PITPNM2: variants seen among roughly 807,000 people sequenced by gnomAD.
The protein encoded by PITPNM2 is phosphatidylinositol transfer protein membrane associated 2, also known as membrane-associated phosphatidylinositol transfer protein 2.
In PITPNM2, 35 loss-of-function variants were observed where a neutral mutation model predicts 132.2. That is an observed-to-expected ratio of 0.26 (90% CI 0.20 to 0.35). The LOEUF (loss-of-function observed/expected upper bound fraction) is 0.35. Ranked by LOEUF, PITPNM2 falls within the 10% of genes least tolerant of loss-of-function variation. The pLI is 1.00. For synonymous variants in PITPNM2, 738 were observed against 799.2 expected, an observed-to-expected ratio of 0.92 and a Z score of 1.29; for missense variants, 1,332 against 1,912.0, an observed-to-expected ratio of 0.70 and a Z score of 5.66.
At position 123,077,338 on chromosome 12, in the gene PITPNM2, T is replaced by C. The variant is rs1566281018; in HGVS notation, c.-96+33047A>G. 6.6e-6 allele frequency among the ~76,000 whole-genome samples: 1 copy of C among 152,100 alleles called. No individual in the cohort carries two copies. Among genetic ancestry groups the C allele is most frequent in the African/African-American group, 2.4e-5 (1 of 41,408 alleles). ...GGGACAAAACATTTCCTCACTGAAC[T>C]CTCATTTTCAGATAATGAAGGATTG... On this transcript the variant is annotated intron_variant, in intron 2 of 25. Transcript: ENST00000320201. The surrounding 1 kb of genome is among the most constrained non-coding windows in gnomAD (Gnocchi z 4.8).
Position 123,004,329 on chromosome 12 carries a change from C to T in PITPNM2, c.1048+65G>A. On this transcript the variant is annotated intron_variant, in intron 8 of 25. Coordinates refer to ENST00000320201, the MANE Select transcript of PITPNM2 (RefSeq NM_020845.3). This position sits in a 1 kb window ranked among gnomAD's most constrained non-coding sequence, Gnocchi z 4.9. ...ATCAGTCCACACCCACACCCTAAGC[C>T]CTTTCAGACCCCTCCCCACCTCGCC... The T allele has an allele frequency of 6.7e-7, 1 of 1,489,704 alleles. No individual in the cohort carries two copies. 92.3% of individuals were successfully genotyped at this position (1,489,704 alleles called of 1,614,324 possible).
rs778787739 is a variant in PITPNM2 at position 123,099,996 on chromosome 12, C to G, written c.-96+10389G>C. Among the ~76,000 whole-genome samples, 17 of 152,148 alleles carry G rather than the reference C, an allele frequency of 1.1e-4. No homozygotes were observed. Among genetic ancestry groups the G allele is most frequent in the Non-Finnish European group, 2.2e-4 (15 of 68,036 alleles). On this transcript the variant is annotated intron_variant, in intron 2 of 25. Transcript: ENST00000320201. This position sits in a 1 kb window ranked among gnomAD's most constrained non-coding sequence, Gnocchi z 4.2. Reference sequence around the variant, plus strand: ...GGGGAAGTAAGAATTGCAGGTGACACGCGCACAGCCTACTCCGCAGACACC... The same window carrying G: ...GGGGAAGTAAGAATTGCAGGTGACAGGCGCACAGCCTACTCCGCAGACACC...
At chr12:123,094,411 C>T (rs1284777386) in intron 2 of PITPNM2, among the ~76,000 whole-genome samples, 2 of 152,340 alleles carry the variant, frequency 1.3e-5, no homozygotes, top group Admixed American at 6.5e-5. Context: ...CAGGCTGAAG[C>T]GGAGCCCAGC....
At chr12:123,012,762 G>A (rs778694990) in intron 4 of PITPNM2, 28 bp from the exon 5 acceptor site, 3 of 1,612,092 alleles carry the variant, frequency 1.9e-6, no homozygotes, top group East Asian at 2.2e-5. Flanking sequence ...CACTCATCAG[G>A]ACCTGTCCTT....
chr12:123,118,510 A>C (rs561467360), intron 1 of PITPNM2, among the ~76,000 whole-genome samples: 3 of 152,382 alleles, frequency 2.0e-5, no homozygotes, highest in African/African-American at 7.2e-5. Context: ...TGGTAGGCAA[A>C]GCAAAGAGGG....
At chr12:123,068,194 A>ACGGCTGGGCG (rs141138502) in intron 2 of PITPNM2, among the ~76,000 whole-genome samples, 14 of 151,750 alleles carry the variant, frequency 9.2e-5, no homozygotes, top group South Asian at 8.3e-4. Context: ...ACGGCCGGGC[A>ACGGCTGGGCG]CGGTGGCTCA....
chr12:123,028,038 G>A (rs973641874), intron 3 of PITPNM2, among the ~76,000 whole-genome samples: 3 of 152,204 alleles, frequency 2.0e-5, no homozygotes, highest in Admixed American at 6.5e-5. Context: ...GCGGCAGTTG[G>A]ACAGCAGAGA....
Position 123,023,644 on chromosome 12 carries a change from C to T in PITPNM2, c.79-9602G>A, listed in dbSNP as rs961701912. Among the ~76,000 whole-genome samples the T allele has an allele frequency of 1.3e-5, 2 of 152,156 alleles. No individual in the cohort carries two copies. Among genetic ancestry groups the T allele is most frequent in the East Asian group, 1.9e-4 (1 of 5,184 alleles). On this transcript the variant is annotated intron_variant, in intron 3 of 25. Coordinates refer to ENST00000320201, the MANE Select transcript of PITPNM2 (RefSeq NM_020845.3). The surrounding 1 kb of genome is among the most constrained non-coding windows in gnomAD (Gnocchi z 4.8). ...TGCTGCCAACAGCTCATTAAAAACA[C>T]GTTCTCCTAAATGTAAGGGCTCAAA...
At chr12:123,053,064 T>G (rs1340116616) in intron 2 of PITPNM2, among the ~76,000 whole-genome samples, 2 of 152,028 alleles carry the variant, frequency 1.3e-5, no homozygotes, top group Admixed American at 6.6e-5. Context: ...TTTTTATTTT[T>G]TGTAGAGACA....
At position 123,023,139 on chromosome 12, in the gene PITPNM2, G is replaced by A. The variant is rs1402553430; in HGVS notation, c.79-9097C>T. Among the ~76,000 whole-genome samples the A allele has an allele frequency of 1.3e-5, 2 of 152,378 alleles. No homozygotes were observed. The highest frequency in any genetic ancestry group is 2.9e-5 in the Non-Finnish European group (2 of 68,030). ...GCCAGCTCACTGGAGGGAGGGGACAGCTAGGAGTGGCCCTTGCTGCCAAAG... is the reference window on the plus strand; with the variant it reads ...GCCAGCTCACTGGAGGGAGGGGACAACTAGGAGTGGCCCTTGCTGCCAAAG... On this transcript the variant is annotated intron_variant, in intron 3 of 25. Transcript: ENST00000320201. The surrounding 1 kb of genome is among the most constrained non-coding windows in gnomAD (Gnocchi z 4.8).
In PITPNM2 at chr12:123,099,999, G is replaced by A. The variant is rs771991392; in HGVS notation, c.-96+10386C>T. ...GAAGTAAGAATTGCAGGTGACACGC[G>A]CACAGCCTACTCCGCAGACACCTAC... is the stretch of plus-strand genomic sequence containing the variant. On this transcript the variant is annotated intron_variant, in intron 2 of 25. Coordinates refer to ENST00000320201, the MANE Select transcript of PITPNM2 (RefSeq NM_020845.3). The surrounding 1 kb of genome is among the most constrained non-coding windows in gnomAD (Gnocchi z 4.2). 2.6e-5 allele frequency among the ~76,000 whole-genome samples: 4 copies of A among 152,132 alleles called. No homozygotes were observed. Among genetic ancestry groups the A allele is most frequent in the South Asian group, 2.1e-4 (1 of 4,834 alleles).
intron 1 of PITPNM2, among the ~76,000 whole-genome samples, chr12:123,136,846 G>A (rs577175023): frequency 3.5e-4 from 54 of 152,302 alleles, no homozygotes; most frequent in African/African-American, 1.3e-3. Context: ...GCAGTGAGCC[G>A]AGATTGTGCC....
rs562527659 is a variant in PITPNM2 at position 122,986,342 on chromosome 12, C to T, written c.3735G>A (p.Thr1245=). ...GCGCCAGGTGGGCCGCGTAGCCATC[C>T]GTGATGAACTGCGGGGTCAGTGAGG... ...KKLQQQCQFI[T]DGYAAHLAQL... The change falls in exon 26 of 26, where the codon ACG becomes ACA. Residue 1245 remains threonine (T), a synonymous_variant. Coordinates refer to ENST00000320201, the MANE Select transcript of PITPNM2 (RefSeq NM_020845.3). The T allele has an allele frequency of 3.2e-5, 50 of 1,579,856 alleles. No individual in the cohort carries two copies. The highest frequency in any genetic ancestry group is 3.9e-5 in the Non-Finnish European group (45 of 1,164,206).
At chr12:123,060,027 C>A (rs140920233) in intron 2 of PITPNM2, among the ~76,000 whole-genome samples, 1 of 152,310 alleles carries the variant, frequency 6.6e-6, no homozygotes, top group East Asian at 1.9e-4. Flanking sequence ...GTATCAGTTT[C>A]CTTTTTTTCT....
chr12:123,122,440 T>C (rs942391782), intron 1 of PITPNM2, among the ~76,000 whole-genome samples: 12 of 152,002 alleles, frequency 7.9e-5, no homozygotes, highest in African/African-American at 2.9e-4. Flanking sequence ...CCAACCTGGG[T>C]GACAGAACAA....
chr12:123,104,880 C>A (rs536077796), intron 2 of PITPNM2, among the ~76,000 whole-genome samples: 4 of 152,240 alleles, frequency 2.6e-5, no homozygotes, highest in African/African-American at 7.2e-5. Context: ...TCACCATAGC[C>A]AGAAACCATC....
At chr12:123,067,453 TCACACACACACA>T (rs55716436) in intron 2 of PITPNM2, among the ~76,000 whole-genome samples, 276 of 136,744 alleles carry the variant, frequency 2.0e-3, no homozygotes, top group African/African-American at 7.2e-3. Flanking sequence ...TGAAACTCCA[TCACACACACACA>T]CACACACACA....
chr12:123,051,909 CT>C (rs59131741), intron 2 of PITPNM2, among the ~76,000 whole-genome samples: 115 of 143,528 alleles, frequency 8.0e-4, no homozygotes, highest in Admixed American at 1.9e-3. Context: ...CCATTCTATT[CT>C]TTTTTTTTTT....
intron 2 of PITPNM2, among the ~76,000 whole-genome samples, chr12:123,040,573 A>G (rs1379000664): frequency 6.6e-6 from 1 of 152,164 alleles, no homozygotes; most frequent in East Asian, 1.9e-4. Context: ...CTTTTTCCTC[A>G]GTTTAGCAAC....
Sources: allele counts gnomAD v4.1 joint callset (sites outside exome capture counted in the v4.1 genomes callset), GRCh38; gene constraint gnomAD v4.1.1; non-coding constraint Gnocchi (gnomAD v3.1); transcripts MANE v1.5; gene names NCBI Gene and HGNC (gene_info 2026-07-23, HGNC 2026-07-21).